Variants in UBE2E2 observed in about 807,000 individuals in gnomAD.
UBE2E2 encodes ubiquitin-conjugating enzyme E2 E2.
UBE2E2 carries 6 observed loss-of-function variants against 24.7 expected under a neutral mutation model. The observed-to-expected ratio is 0.24, with a 90% confidence interval of 0.13 to 0.48. UBE2E2 has a LOEUF of 0.48. UBE2E2 is among the 20% of genes least tolerant of loss of function. UBE2E2 has a pLI of 0.99. For synonymous variants in UBE2E2, 104 were observed against 83.6 expected (o/e 1.24, Z -1.33); for missense variants, 169 against 245.0 (o/e 0.69, Z 2.07).
intron 3 of UBE2E2, among the ~76,000 whole-genome samples, chr3:23,444,141 G>C (rs1698373063): frequency 7.3e-6 from 1 of 136,738 alleles, no homozygotes; most frequent in African/African-American, 2.9e-5. Context: ...TCAAATGTCT[G>C]AGCCCTTAGT....
At chr3:23,567,056 T>C (rs908019195) in intron 5 of UBE2E2, among the ~76,000 whole-genome samples, 2 of 152,202 alleles carry the variant, frequency 1.3e-5, no homozygotes, top group Non-Finnish European at 2.9e-5. Flanking sequence ...GGTAAAAAGA[T>C]GCATTCTAGG....
chr3:23,503,113 A>G (rs1694314515), intron 4 of UBE2E2, among the ~76,000 whole-genome samples: 1 of 151,380 alleles, frequency 6.6e-6, no homozygotes, highest in African/African-American at 2.4e-5. Flanking sequence ...GTTTTCATTC[A>G]GTATCTTTTT....
At chr3:23,215,452 C>G (rs948662804) in intron 2 of UBE2E2, among the ~76,000 whole-genome samples, 1 of 152,092 alleles carries the variant, frequency 6.6e-6, no homozygotes, top group African/African-American at 2.4e-5. Flanking sequence ...CTCTCCCCAC[C>G]TCACCCCCAA....
intron 3 of UBE2E2, among the ~76,000 whole-genome samples, chr3:23,336,749 G>A (rs1476255985): frequency 6.6e-6 from 1 of 152,172 alleles, no homozygotes; most frequent in African/African-American, 2.4e-5. Flanking sequence ...TTTTAATTGT[G>A]TGTTTGGGGT....
rs34208918 is a variant in UBE2E2 at position 23,313,386 on chromosome 3, C to CTTTTTTT, written c.227+96087_227+96093dup. On this transcript the variant is annotated intron_variant, in intron 3 of 5. Coordinates refer to ENST00000396703, the MANE Select transcript of UBE2E2 (RefSeq NM_152653.4). ...TCTTGTAGGCAATGGATCATTGGGTCTTTTTTTTTTTTTTTTTTTGAGGGC... is the reference window on the plus strand; with the variant it reads ...TCTTGTAGGCAATGGATCATTGGGTCTTTTTTTTTTTTTTTTTTTTTTTTTTGAGGGC... 8.0e-5 allele frequency among the ~76,000 whole-genome samples: 9 copies of CTTTTTTT among 111,860 alleles called. 1 individual carries two copies. The highest frequency in any genetic ancestry group is 1.1e-4 in the African/African-American group (3 of 28,178). The allele number at this position is 111,860 out of a possible 152,430, so 73.4% of individuals were successfully genotyped here.
intron 3 of UBE2E2, among the ~76,000 whole-genome samples, chr3:23,379,864 G>A (rs115567346): frequency 2.0e-5 from 3 of 151,976 alleles, no homozygotes; most frequent in East Asian, 3.9e-4. Context: ...AGTTTGGTCC[G>A]TTAGACAAAC....
intron 3 of UBE2E2, among the ~76,000 whole-genome samples, chr3:23,337,033 G>A (rs1695229407): frequency 6.6e-6 from 1 of 151,942 alleles, no homozygotes; most frequent in Non-Finnish European, 1.5e-5. Context: ...CAGCTACTTG[G>A]GAGTCTTGAG....
chr3:23,438,172 T>A (rs1474964514), intron 3 of UBE2E2, among the ~76,000 whole-genome samples: 4 of 152,112 alleles, frequency 2.6e-5, no homozygotes, highest in Non-Finnish European at 2.9e-5. Context: ...CTTCAGTGAG[T>A]AAAGCAAGAA....
At chr3:23,585,904 GT>G (rs201986762) in intron 5 of UBE2E2, among the ~76,000 whole-genome samples, 375 of 145,298 alleles carry the variant, frequency 2.6e-3, no homozygotes, top group African/African-American at 5.7e-3. Context: ...TTGATAACAT[GT>G]TTTTTTTTTT....
At chr3:23,261,977 T>G (rs1697913341) in intron 3 of UBE2E2, among the ~76,000 whole-genome samples, 2 of 152,214 alleles carry the variant, frequency 1.3e-5, no homozygotes, top group South Asian at 2.1e-4. Flanking sequence ...TTCCATTCCT[T>G]TGGATATAGA....
At chr3:23,455,203 A>G (rs867161677) in intron 3 of UBE2E2, among the ~76,000 whole-genome samples, 1 of 152,218 alleles carries the variant, frequency 6.6e-6, no homozygotes, top group Non-Finnish European at 1.5e-5. Flanking sequence ...TCAATAGGAA[A>G]TGCCCTCTGT....
At chr3:23,409,128 T>C (rs981266579) in intron 3 of UBE2E2, among the ~76,000 whole-genome samples, 3 of 152,184 alleles carry the variant, frequency 2.0e-5, no homozygotes, top group South Asian at 2.1e-4. Context: ...TCAGGAATAA[T>C]AGAATGTGGA....
chr3:23,322,830 A>G (rs1293490460), intron 3 of UBE2E2, among the ~76,000 whole-genome samples: 1 of 151,956 alleles, frequency 6.6e-6, no homozygotes, highest in African/African-American at 2.4e-5. Context: ...TAATATTATC[A>G]TTATTTTGTC....
chr3:23,450,780 T>A, intron 3 of UBE2E2, among the ~76,000 whole-genome samples: 1 of 152,200 alleles, frequency 6.6e-6, no homozygotes, highest in East Asian at 1.9e-4. Flanking sequence ...TTTCATTTTA[T>A]TTCTTTTTAA....
intron 5 of UBE2E2, among the ~76,000 whole-genome samples, chr3:23,579,630 C>T (rs1177933925): frequency 1.3e-5 from 2 of 148,678 alleles, no homozygotes; most frequent in African/African-American, 2.5e-5. Context: ...AGCCCAGGAT[C>T]GCGAAGTTAC....
In UBE2E2 at chr3:23,338,598, G is replaced by GGGGACT. The variant is rs781690747; in HGVS notation, c.227+121302_227+121307dup. On this transcript the variant is annotated intron_variant, in intron 3 of 5. Transcript: ENST00000396703. ...CAGAGTTCCTTGGAAAAACTGAATTGGGGACTGGGACTGGGACTGGGGAAG... is the reference window on the plus strand; with the variant it reads ...CAGAGTTCCTTGGAAAAACTGAATTGGGGACTGGGACTGGGACTGGGACTGGGGAAG... Among the ~76,000 whole-genome samples, 46 of 152,206 alleles carry GGGGACT rather than the reference G, an allele frequency of 3.0e-4. 1 individual carries two copies. Among genetic ancestry groups the GGGGACT allele is most frequent in the Admixed American group, 2.0e-3 (31 of 15,280 alleles).
intron 4 of UBE2E2, among the ~76,000 whole-genome samples, chr3:23,522,148 T>TTA (rs58369100): frequency 8.7e-6 from 1 of 115,168 alleles, no homozygotes; most frequent in Non-Finnish European, 1.7e-5. Context: ...TTTTTTTTTT[T>TTA]GAGGCAGAGT....
intron 3 of UBE2E2, among the ~76,000 whole-genome samples, chr3:23,358,662 T>C (rs1696032507): frequency 6.6e-6 from 1 of 152,248 alleles, no homozygotes; most frequent in Non-Finnish European, 1.5e-5. Flanking sequence ...TCATGCTTTT[T>C]ATTTTGCTTC....
intron 3 of UBE2E2, among the ~76,000 whole-genome samples, chr3:23,265,526 G>T (rs1174869433): frequency 7.1e-6 from 1 of 140,146 alleles, no homozygotes; most frequent in Non-Finnish European, 1.5e-5. Flanking sequence ...AAGAACAACA[G>T]AGAAACCATG....
Sources: allele counts gnomAD v4.1 joint callset (sites outside exome capture counted in the v4.1 genomes callset), GRCh38; gene constraint gnomAD v4.1.1; transcripts MANE v1.5; gene names NCBI Gene and HGNC (gene_info 2026-07-23, HGNC 2026-07-21).